Variants in FLNB observed in about 807,000 individuals in gnomAD.
FLNB encodes filamin B.
In FLNB, 111 loss-of-function variants were observed where a neutral mutation model predicts 250.6. The observed-to-expected ratio is 0.44, with a 90% CI of 0.38 to 0.52. The LOEUF is 0.52. Ranked by LOEUF, FLNB falls within the 20% of genes least tolerant of loss-of-function variation. FLNB has a pLI of 0.00. For missense variants in FLNB, 2,869 were observed against 3,447.8 expected (o/e 0.83, Z 4.20); for synonymous variants, 1,302 against 1,372.1 (o/e 0.95, Z 1.13).
At chr3:58,105,929 G>A (rs1239119993) in intron 11 of FLNB, among the ~76,000 whole-genome samples, 1 of 152,142 alleles carries the variant, frequency 6.6e-6, no homozygotes, top group South Asian at 2.1e-4. Context: ...GATATGAATC[G>A]TCTTGTATAT....
intron 41 of FLNB, among the ~76,000 whole-genome samples, chr3:58,156,625 G>C (rs2097353726): frequency 6.6e-6 from 1 of 152,204 alleles, no homozygotes; most frequent in African/African-American, 2.4e-5. Flanking sequence ...ATACAAGGAG[G>C]TTTTGTCCAC....
chr3:58,128,827 C>T (rs2097301930), intron 24 of FLNB, among the ~76,000 whole-genome samples: 1 of 152,170 alleles, frequency 6.6e-6, no homozygotes, highest in South Asian at 2.1e-4. Flanking sequence ...CGTCTTTGAG[C>T]ATAACAACAG....
chr3:58,153,249 C>G, intron 38 of FLNB, 126 bp from the exon 39 acceptor site: 1 of 1,120,134 alleles, frequency 8.9e-7, no homozygotes, highest in Non-Finnish European at 1.3e-6. Flanking sequence ...GGGAAGGAAG[C>G]CTGGGCACCT....
intron 13 of FLNB, 119 bp from the exon 14 acceptor site, chr3:58,109,060 C>A: frequency 8.8e-7 from 1 of 1,133,238 alleles, no homozygotes; most frequent in Non-Finnish European, 1.3e-6. Context: ...TGTAGTTGGT[C>A]CATGAAGTTT....
chr3:58,083,700 C>G (rs74920478), intron 4 of FLNB, among the ~76,000 whole-genome samples: 1 of 152,012 alleles, frequency 6.6e-6, no homozygotes, highest in Non-Finnish European at 1.5e-5. Context: ...CCTCAGTGGT[C>G]GAGTCTTCTC....
In FLNB at chr3:58,019,799, C is replaced by A. The variant is rs539445859; in HGVS notation, c.292+10943C>A. ...GGGCTACTTACCATATCTTTTCCCA[C>A]ACCGTGGAGCTCTGACTGGGACCTT... is the stretch of plus-strand genomic sequence containing the variant. On this transcript the variant is annotated intron_variant, in intron 1 of 45. Coordinates refer to ENST00000295956, the MANE Select transcript of FLNB (RefSeq NM_001457.4). Among the ~76,000 whole-genome samples the A allele has an allele frequency of 7.2e-5, 11 of 152,356 alleles. 1 individual carries two copies. Among genetic ancestry groups the A allele is most frequent in the African/African-American group, 2.6e-4 (11 of 41,594 alleles).
At chr3:58,032,915 C>T (rs773213149) in intron 1 of FLNB, among the ~76,000 whole-genome samples, 22 of 151,890 alleles carry the variant, frequency 1.4e-4, no homozygotes, top group East Asian at 5.8e-4. Context: ...CTCCCTTCCC[C>T]GCCAAAAAAA....
chr3:58,077,222 C>G lies in FLNB; in HGVS notation c.469C>G (p.Pro157Ala). 10 of 1,614,154 alleles carry G rather than the reference C, an allele frequency of 6.2e-6. No individual in the cohort carries two copies. Among genetic ancestry groups the G allele is most frequent in the Non-Finnish European group, 8.5e-6 (10 of 1,179,996 alleles). The change falls in exon 2 of 46, where the codon CCC (proline) becomes GCC (alanine). Residue 157 changes from proline to alanine, a missense_variant. Transcript: ENST00000295956. ...GWIQNKIPYLPITNFNQNWQD... is the reference protein window; with the variant it reads ...GWIQNKIPYLAITNFNQNWQD... ...GATTCAGAACAAGATCCCCTACTTG[C>G]CCATCACCAACTTTAACCAGAACTG...
chr3:58,114,957 A>C (rs1429096467), intron 18 of FLNB, among the ~76,000 whole-genome samples: 1 of 152,174 alleles, frequency 6.6e-6, no homozygotes, highest in Admixed American at 6.5e-5. Context: ...GTTCCTTATC[A>C]GATAAATGAT....
chr3:58,049,029 A>G (rs532505543), intron 1 of FLNB, among the ~76,000 whole-genome samples: 1 of 152,208 alleles, frequency 6.6e-6, no homozygotes, highest in East Asian at 1.9e-4. Context: ...ACTGTGTTTC[A>G]CTGTGTATTG....
chr3:58,027,516 A>G (rs925202148), intron 1 of FLNB, among the ~76,000 whole-genome samples: 7 of 151,990 alleles, frequency 4.6e-5, no homozygotes, highest in Non-Finnish European at 7.4e-5. Context: ...TCCTGGCCTC[A>G]ATTGATCTGC....
rs116551325 is a variant in FLNB at position 58,078,968 on chromosome 3, A to T, written c.639+154A>T. On this transcript the variant is annotated intron_variant, in intron 3 of 45. Coordinates refer to ENST00000295956, the MANE Select transcript of FLNB (RefSeq NM_001457.4). ...CTCTCATCTTCCTCAGTTTACCCAT[A>T]ATAATAGTAGGTTCTCATTGACTCA... Among the ~76,000 whole-genome samples, 1,531 of 152,270 alleles carry T rather than the reference A, an allele frequency of 0.01. 28 individuals carry two copies. The highest frequency in any genetic ancestry group is 0.035 in the African/African-American group (1,453 of 41,542).
chr3:58,086,514 C>T (rs1347877855), intron 4 of FLNB, among the ~76,000 whole-genome samples: 4 of 152,106 alleles, frequency 2.6e-5, no homozygotes, highest in East Asian at 3.9e-4. Flanking sequence ...GCATTTCTTA[C>T]TGAGCAGTGT....
In FLNB at chr3:58,110,047, G is replaced by T. The variant is rs777257207; in HGVS notation, c.2361G>T (p.Val787=). ...TTGGCATTAAGTGTGATGCCCGGGTGTTAAGTGAAGATGAGGAAGACGTGG... is the reference window on the plus strand; with the variant it reads ...TTGGCATTAAGTGTGATGCCCGGGTTTTAAGTGAAGATGAGGAAGACGTGG... ...VSVGIKCDAR[V]LSEDEEDVDF... Residue 787 remains valine (V), a synonymous_variant, in exon 16 of 46, where the codon GTG becomes GTT. Coordinates refer to ENST00000295956, the MANE Select transcript of FLNB (RefSeq NM_001457.4). 4.2e-5 allele frequency: 68 copies of T among 1,614,054 alleles called. No homozygotes were observed. The highest frequency in any genetic ancestry group is 5.3e-5 in the Non-Finnish European group (62 of 1,180,014).
intron 28 of FLNB, 79 bp from the exon 29 acceptor site, chr3:58,138,203 A>G: frequency 1.3e-6 from 2 of 1,592,856 alleles, no homozygotes; most frequent in Admixed American, 1.7e-5. Context: ...CACAGACAAC[A>G]TGGATGGGTA....
chr3:58,084,191 C>CAAAAA (rs771340069), intron 4 of FLNB, among the ~76,000 whole-genome samples: 1 of 64,562 alleles, frequency 1.5e-5, no homozygotes. Flanking sequence ...GACTCTGTCT[C>CAAAAA]AAAAAAAAAA....
intron 15 of FLNB, 42 bp from the exon 16 acceptor site, chr3:58,109,968 C>A (rs2097265721): frequency 1.2e-6 from 2 of 1,611,270 alleles, no homozygotes; most frequent in African/African-American, 1.3e-5. Context: ...ACAGGACATG[C>A]TGTTTCTTGT....
At chr3:58,032,458 G>A (rs188756101) in intron 1 of FLNB, among the ~76,000 whole-genome samples, 30 of 152,262 alleles carry the variant, frequency 2.0e-4, no homozygotes, top group African/African-American at 7.2e-4. Flanking sequence ...CAGAGACAGA[G>A]GGCTTCAGAA....
intron 43 of FLNB, chr3:58,163,682 C>G (rs2097365417): frequency 3.0e-6 from 1 of 328,642 alleles, no homozygotes; most frequent in Admixed American, 4.5e-5. Context: ...GCACAGAATT[C>G]ATGATGCGTC....
Sources: gnomAD v4.1 joint callset for allele counts (sites outside exome capture counted in the v4.1 genomes callset) on GRCh38, gnomAD v4.1.1 for gene constraint, MANE v1.5 for transcripts, NCBI Gene and HGNC (gene_info 2026-07-23, HGNC 2026-07-21) for gene names.